The following CEP131 variants were observed in gnomAD, a reference collection of about 807,000 sequenced individuals.
The protein encoded by CEP131 is centrosomal protein 131.
CEP131 carries 99 observed loss-of-function variants against 136.8 expected under a neutral mutation model. The observed-to-expected ratio is 0.72, with a 90% CI of 0.62 to 0.86. The LOEUF is 0.86. CEP131 is among the 40% of genes least tolerant of loss of function. CEP131 has a pLI of 0.00. For missense variants in CEP131, 1,459 were observed against 1,463.0 expected (o/e 1.00, Z 0.04); for synonymous variants, 646 against 612.7 (o/e 1.05, Z -0.80).
chr17:81,208,953 T>C lies in CEP131; in HGVS notation c.247A>G (p.Ser83Gly). Residue 83 changes from serine (S) to glycine (G), a missense_variant, in exon 3 of 26, where the codon AGC becomes GGC. Coordinates refer to ENST00000450824, the MANE Select transcript of CEP131 (RefSeq NM_014984.4). The surrounding 1 kb of genome is among the most constrained non-coding windows in gnomAD (Gnocchi z 5.6). ...LRRSNSTTQV[S>G]QPRSGSPRPT... ...CTGGGGGAGCCGCTCCGAGGCTGGC[T>C]GACCTGCGTGGTGCTGTTGGATCTT... The C allele has an allele frequency of 6.2e-7, 1 of 1,613,940 alleles. No individual in the cohort carries two copies. The highest frequency in any genetic ancestry group is 8.5e-7 in the Non-Finnish European group (1 of 1,179,956).
At position 81,190,723 on chromosome 17, in the gene CEP131, G is replaced by C. The variant is rs1250005564; in HGVS notation, c.3023C>G (p.Ser1008Cys). The change falls in exon 24 of 26, where the codon TCT (serine) becomes TGT (cysteine). Residue 1008 changes from serine to cysteine, a missense_variant. Transcript: ENST00000450824. ...CTTGGCCTGCCGCGTCTCCTCCTCA[G>C]AGGCTGCCAGCCGGTCCTCGAACTC... is the stretch of plus-strand genomic sequence containing the variant. ...RQEFEDRLAA[S>C]EEETRQAKAE... The C allele has an allele frequency of 6.2e-7, 1 of 1,610,688 alleles. No individual in the cohort carries two copies. The highest frequency in any genetic ancestry group is 2.2e-5 in the East Asian group (1 of 44,826).
intron 24 of CEP131, among the ~76,000 whole-genome samples, chr17:81,190,291 G>A (rs912015704): frequency 1.3e-5 from 2 of 152,166 alleles, no homozygotes; most frequent in Non-Finnish European, 2.9e-5. Context: ...GACCCCCGTG[G>A]AGGGAGCTCG....
chr17:81,190,614 C>T (rs201747795), intron 24 of CEP131, 25 bp downstream of exon 24: 2 of 1,544,632 alleles, frequency 1.3e-6, no homozygotes, highest in South Asian at 2.4e-5. Context: ...CCTCCGTCTC[C>T]AGCCCTGCAG....
At chr17:81,201,246 C>T (rs1458496223) in intron 7 of CEP131, among the ~76,000 whole-genome samples, 3 of 152,290 alleles carry the variant, frequency 2.0e-5, no homozygotes, top group African/African-American at 7.2e-5. Context: ...CCCCTTCCCT[C>T]GTGCCACCCA....
intron 19 of CEP131, 47 bp downstream of exon 19, chr17:81,192,689 G>T: frequency 7.1e-7 from 1 of 1,400,978 alleles, no homozygotes; most frequent in Non-Finnish European, 9.8e-7. Context: ...GGAGGGGTCA[G>T]CCAGCGAGGG....
intron 2 of CEP131, among the ~76,000 whole-genome samples, chr17:81,217,779 C>G (rs2062283000): frequency 6.6e-6 from 1 of 152,108 alleles, no homozygotes; most frequent in African/African-American, 2.4e-5. Context: ...ATGGTACCAG[C>G]CGAGGAAAGG....
rs1329352019 is a variant in CEP131, at chr17:81,203,459, C to G, written c.629+35G>C. ...ACTACATGCCCTAACTGAGGTCGGA[C>G]CCCGCAGCCCCGCGGCCTCCCCAGA... On this transcript the variant is annotated intron_variant, in intron 6 of 25. Transcript: ENST00000450824. This position sits in a 1 kb window ranked among gnomAD's most constrained non-coding sequence, Gnocchi z 4.6. 7.2e-6 allele frequency: 11 copies of G among 1,527,368 alleles called. No homozygotes were observed. Among genetic ancestry groups the G allele is most frequent in the Non-Finnish European group, 9.8e-6 (11 of 1,125,900 alleles). 94.6% of individuals were successfully genotyped at this position (1,527,368 alleles called of 1,614,324 possible). A position where few individuals can be genotyped will look rare whatever the true frequency, so the allele number is the denominator to read the frequency against.
chr17:81,218,319 G>C (rs1029386386), intron 2 of CEP131, among the ~76,000 whole-genome samples: 1 of 152,196 alleles, frequency 6.6e-6, no homozygotes, highest in Non-Finnish European at 1.5e-5. Flanking sequence ...CTGGGATCAC[G>C]GGCGTGAGCC....
chr17:81,193,999 C>A lies in CEP131; in HGVS notation c.2248G>T (p.Glu750Ter). ...RASQRCLRQA[E>*]ELREQLEREK... ...CGCTCCAGCTGCTCCCGCAGCTCCT[C>A]GGCCTGGCGCAGGCAGCGCTGCGAG... Residue 750 changes from glutamate (E) to a stop codon, truncating the protein, a stop_gained, in exon 18 of 26, where the codon GAG becomes TAG. Coordinates refer to ENST00000450824, the MANE Select transcript of CEP131 (RefSeq NM_014984.4). LOFTEE classifies it high-confidence loss of function. The A allele has an allele frequency of 6.4e-7, 1 of 1,555,340 alleles. No homozygotes were observed.
At chr17:81,221,124 C>CAAAAA (rs760838378) in intron 1 of CEP131, among the ~76,000 whole-genome samples, 5 of 53,842 alleles carry the variant, frequency 9.3e-5, no homozygotes, top group East Asian at 4.9e-4. Flanking sequence ...GACTCCATCT[C>CAAAAA]AAAAAAAAAA....
At chr17:81,200,553 C>A (rs780933081) in intron 7 of CEP131, 107 bp from the exon 8 acceptor site, 5 of 817,794 alleles carry the variant, frequency 6.1e-6, no homozygotes, top group Non-Finnish European at 9.9e-6. Flanking sequence ...CCGGCGGCTG[C>A]ACTCAAGTAG....
chr17:81,189,643 T>G lies in CEP131; in HGVS notation c.*126A>C. On this transcript the variant is annotated 3_prime_UTR_variant, in exon 26 of 26. Transcript: ENST00000450824. ...CTGTTAAAATGCAGCCACAGGTGCT[T>G]AGCCGTGGGCATCTCAACCACCAGC... is the stretch of plus-strand genomic sequence containing the variant. The G allele has an allele frequency of 1.1e-6, 1 of 946,142 alleles. No homozygotes were observed. 58.6% of individuals were successfully genotyped at this position (946,142 alleles called of 1,614,324 possible). A position where few individuals can be genotyped will look rare whatever the true frequency, so the allele number is the denominator to read the frequency against.
At chr17:81,222,703 C>G (rs1256114558) in intron 1 of CEP131, 66 bp downstream of exon 1, 2 of 152,334 alleles carry the variant, frequency 1.3e-5, no homozygotes, top group African/African-American at 4.8e-5. Context: ...CCCACCTGCG[C>G]GGGCTCCGGA....
chr17:81,203,859 TG>T lies in CEP131; in HGVS notation c.516-253del, dbSNP rs1219219833. 4.2e-6 allele frequency: 2 copies of T among 478,762 alleles called. No homozygotes were observed. The highest frequency in any genetic ancestry group is 3.9e-5 in the African/African-American group (2 of 50,926). The allele number at this position is 478,762 out of a possible 1,614,324, so 29.7% of individuals were successfully genotyped here. On this transcript the variant is annotated intron_variant, in intron 5 of 25. Coordinates refer to ENST00000450824, the MANE Select transcript of CEP131 (RefSeq NM_014984.4). The surrounding 1 kb of genome is among the most constrained non-coding windows in gnomAD (Gnocchi z 4.6). ...GGGGATAGAATCGAGGCATGAACGC[TG>T]GACGTGCCCAAGACGGGGGGAGCAG...
chr17:81,207,037 C>T, intron 4 of CEP131, 88 bp downstream of exon 4: 1 of 1,533,850 alleles, frequency 6.5e-7, no homozygotes, highest in Non-Finnish European at 8.8e-7. Context: ...CTGCAGTGCC[C>T]TTTTGCAAAG....
intron 2 of CEP131, among the ~76,000 whole-genome samples, chr17:81,218,463 C>G (rs879633539): frequency 6.6e-6 from 1 of 152,232 alleles, no homozygotes; most frequent in Non-Finnish European, 1.5e-5. Flanking sequence ...AGCAGGGCTG[C>G]GGACAGGAGA....
At chr17:81,191,518 A>G (rs1273649400) in intron 21 of CEP131, among the ~76,000 whole-genome samples, 183 bp from the exon 22 acceptor site, 1 of 152,144 alleles carries the variant, frequency 6.6e-6, no homozygotes, top group Admixed American at 6.5e-5. Context: ...GTGTGGGCAT[A>G]GGCGTACCAG....
At chr17:81,196,610 G>A (rs1407565802) in intron 15 of CEP131, 91 bp downstream of exon 15, 10 of 1,496,304 alleles carry the variant, frequency 6.7e-6, no homozygotes, top group Non-Finnish European at 8.9e-6. Flanking sequence ...AACAGAGGAA[G>A]AAGCTCCCTG....
rs774329654 is a variant in CEP131 at position 81,199,854 on chromosome 17, C to A, written c.907-19G>T. On this transcript the variant is annotated intron_variant, in intron 8 of 25. Transcript: ENST00000450824. ...GCTGCTCCTGCCAAAGAAGCCGGTGCCATGTGGCGTTTACATCTGGAAGAC... is the reference window on the plus strand; with the variant it reads ...GCTGCTCCTGCCAAAGAAGCCGGTGACATGTGGCGTTTACATCTGGAAGAC... 6.8e-5 allele frequency: 110 copies of A among 1,607,598 alleles called. No homozygotes were observed. Among genetic ancestry groups the A allele is most frequent in the Admixed American group, 1.2e-4 (7 of 59,994 alleles).
Sources: allele counts gnomAD v4.1 joint callset (sites outside exome capture counted in the v4.1 genomes callset), GRCh38; gene constraint gnomAD v4.1.1; non-coding constraint Gnocchi (gnomAD v3.1); transcripts MANE v1.5; gene names NCBI Gene and HGNC (gene_info 2026-07-23, HGNC 2026-07-21).